P2RY12: variants seen among roughly 807,000 people sequenced by gnomAD.
P2RY12 encodes the protein P2Y purinoceptor 12.
A neutral mutation model predicts 4.5 loss-of-function variants in P2RY12; 3 were observed. That is an observed-to-expected ratio of 0.67 (90% CI 0.31 to 1.74). P2RY12 has a LOEUF of 1.74. Ranked by LOEUF, P2RY12 falls within the 40% of genes most tolerant of loss-of-function variation. P2RY12 has a pLI of 0.09. For missense variants in P2RY12, 356 were observed against 407.8 expected (o/e 0.87, Z 1.09); for synonymous variants, 148 against 154.1 (o/e 0.96, Z 0.29).
At chr3:151,359,684 T>C (rs1245279580) in intron 1 of P2RY12, among the ~76,000 whole-genome samples, 2 of 152,178 alleles carry the variant, frequency 1.3e-5, no homozygotes, top group Non-Finnish European at 2.9e-5. Context: ...GTGAATCAGA[T>C]AGTTTCTAAA....
chr3:151,360,833 C>T (rs995797152), intron 1 of P2RY12, among the ~76,000 whole-genome samples: 3 of 151,440 alleles, frequency 2.0e-5, no homozygotes, highest in African/African-American at 7.3e-5. Flanking sequence ...GTTTTTTTTC[C>T]CCCAATATTG....
At chr3:151,368,889 GTAGCTGGGACTA>G (rs1755825173) in intron 1 of P2RY12, among the ~76,000 whole-genome samples, 1 of 150,740 alleles carries the variant, frequency 6.6e-6, no homozygotes, top group Non-Finnish European at 1.5e-5. Context: ...AGCCTCTCAA[GTAGCTGGGACTA>G]TAGGCATGCA....
intron 1 of P2RY12, chr3:151,367,868 T>C (rs998645605): frequency 1.5e-6 from 2 of 1,321,158 alleles, no homozygotes; most frequent in Non-Finnish European, 2.1e-6. Flanking sequence ...AGGGTATGTA[T>C]ATTGGGAAGT....
intron 1 of P2RY12, among the ~76,000 whole-genome samples, chr3:151,353,578 T>C (rs1753515388): frequency 6.6e-6 from 1 of 152,248 alleles, no homozygotes; most frequent in Non-Finnish European, 1.5e-5. Flanking sequence ...AGAACCAGCC[T>C]TGTGGTGTTT....
intron 1 of P2RY12, among the ~76,000 whole-genome samples, chr3:151,379,883 T>A (rs1019081403): frequency 5.9e-5 from 9 of 152,326 alleles, no homozygotes; most frequent in African/African-American, 2.2e-4. Context: ...TATGGTTTGA[T>A]GCTAGTTTGA....
intron 1 of P2RY12, among the ~76,000 whole-genome samples, chr3:151,348,967 C>T (rs1208217452): frequency 5.9e-5 from 9 of 152,208 alleles, no homozygotes; most frequent in African/African-American, 1.7e-4. Flanking sequence ...ATTCTTTTCT[C>T]ATATAAGCTC....
At chr3:151,346,833 A>G (rs1350816283) in intron 1 of P2RY12, among the ~76,000 whole-genome samples, 1 of 151,968 alleles carries the variant, frequency 6.6e-6, no homozygotes, top group East Asian at 1.9e-4. Flanking sequence ...CAAACCAATT[A>G]CTGGACATTT....
In P2RY12 at chr3:151,338,551, CTT is replaced by C. The variant is rs759929729; in HGVS notation, c.293_294del (p.Gln98ArgfsTer33). 3 of 1,613,928 alleles carry C rather than the reference CTT, an allele frequency of 1.9e-6. No individual in the cohort carries two copies. Among genetic ancestry groups the C allele is most frequent in the Non-Finnish European group, 2.5e-6 (3 of 1,179,966 alleles). On this transcript the variant is annotated frameshift_variant, in exon 3 of 3. Transcript: ENST00000302632. LOFTEE classifies it high-confidence loss of function. ...GTGPLRTFVC[Q>X]VTSVIFYFTM... is the part of the protein sequence containing the mutation. Reference sequence around the variant, plus strand: ...GTGAAATAAAATATGACGGAGGTAACTTGACACACAAAAGTTCTCAGTGGTCC... The same window carrying C: ...GTGAAATAAAATATGACGGAGGTAACGACACACAAAAGTTCTCAGTGGTCC...
At chr3:151,360,409 G>C (rs1201986859) in intron 1 of P2RY12, 2 of 1,444,734 alleles carry the variant, frequency 1.4e-6, no homozygotes, top group African/African-American at 1.4e-5. Context: ...CATTCTAAAA[G>C]AGTCAAATGA....
intron 1 of P2RY12, among the ~76,000 whole-genome samples, chr3:151,362,528 A>G (rs1303763752): frequency 6.6e-6 from 1 of 152,072 alleles, no homozygotes; most frequent in South Asian, 2.1e-4. Flanking sequence ...TGAGCACACC[A>G]TTTTAAATAG....
At chr3:151,362,826 A>G (rs1481631962) in intron 1 of P2RY12, among the ~76,000 whole-genome samples, 1 of 152,152 alleles carries the variant, frequency 6.6e-6, no homozygotes, top group African/African-American at 2.4e-5. Flanking sequence ...ATCCTTTGTG[A>G]AATATTTGAG....
intron 1 of P2RY12, among the ~76,000 whole-genome samples, chr3:151,356,511 T>C (rs1030669806): frequency 2.0e-5 from 3 of 152,220 alleles, no homozygotes; most frequent in Non-Finnish European, 2.9e-5. Flanking sequence ...GAATTAACAG[T>C]CTTAAACTAA....
At chr3:151,352,225 A>G (rs1319254261) in intron 1 of P2RY12, among the ~76,000 whole-genome samples, 4 of 152,216 alleles carry the variant, frequency 2.6e-5, no homozygotes, top group Non-Finnish European at 5.9e-5. Flanking sequence ...TGTGAGATCA[A>G]GTGTGGAATT....
chr3:151,377,160 G>C, intron 1 of P2RY12: 4 of 1,610,030 alleles, frequency 2.5e-6, no homozygotes, highest in Non-Finnish European at 3.4e-6. Context: ...AGACAGAATG[G>C]AATAAAGACA....
At chr3:151,379,227 T>C (rs530662513) in intron 1 of P2RY12, among the ~76,000 whole-genome samples, 1 of 152,364 alleles carries the variant, frequency 6.6e-6, no homozygotes, top group South Asian at 2.1e-4. Context: ...GGTGAGTGTA[T>C]GTGCATTGCC....
chr3:151,356,515 A>G (rs186951721), intron 1 of P2RY12, among the ~76,000 whole-genome samples: 1 of 152,344 alleles, frequency 6.6e-6, no homozygotes, highest in African/African-American at 2.4e-5. Context: ...TAACAGTCTT[A>G]AACTAACATT....
At chr3:151,358,138 A>G (rs1754160934) in intron 1 of P2RY12, among the ~76,000 whole-genome samples, 1 of 152,096 alleles carries the variant, frequency 6.6e-6, no homozygotes, top group South Asian at 2.1e-4. Flanking sequence ...ACATGTAATC[A>G]ATTTATATGC....
intron 2 of P2RY12, among the ~76,000 whole-genome samples, chr3:151,339,099 A>AT (rs1162281340): frequency 6.6e-6 from 1 of 152,024 alleles, no homozygotes; most frequent in Non-Finnish European, 1.5e-5. Context: ...GATGCTTAGT[A>AT]TTTTTTTATT....
rs571302207 is a variant in P2RY12 at position 151,351,666 on chromosome 3, A to G, written c.-179-10906T>C. 3.9e-5 allele frequency among the ~76,000 whole-genome samples: 6 copies of G among 152,300 alleles called. No homozygotes were observed. The South Asian group carries it at 1.2e-3, about 32-fold the overall frequency. On this transcript the variant is annotated intron_variant, in intron 1 of 2. Coordinates refer to ENST00000302632, the MANE Select transcript of P2RY12 (RefSeq NM_022788.5). ...GAATATTTAAAACTACTTTTGGTAT[A>G]CTTGGCAATGGGGTAGGGGGGAGTC...
Sources: allele counts gnomAD v4.1 joint callset (sites outside exome capture counted in the v4.1 genomes callset), GRCh38; gene constraint gnomAD v4.1.1; transcripts MANE v1.5; gene names NCBI Gene and HGNC (gene_info 2026-07-23, HGNC 2026-07-21).